MAPKBP1: variants seen among roughly 807,000 people sequenced by gnomAD.
MAPKBP1 encodes mitogen-activated protein kinase-binding protein 1.
In MAPKBP1, 71 loss-of-function variants were observed where a neutral mutation model predicts 170.5. The observed-to-expected ratio is 0.42, with a 90% CI of 0.34 to 0.51. MAPKBP1 has a LOEUF of 0.51. MAPKBP1 is among the 20% of genes least tolerant of loss of function. MAPKBP1 has a pLI of 0.06. For synonymous variants in MAPKBP1, 719 were observed against 757.9 expected (o/e 0.95, Z 0.84); for missense variants, 1,598 against 1,933.0 (o/e 0.83, Z 3.25).
At chr15:41,781,839 G>A (rs988440638) in intron 2 of MAPKBP1, among the ~76,000 whole-genome samples, 3 of 151,958 alleles carry the variant, frequency 2.0e-5, no homozygotes, top group African/African-American at 7.3e-5. Context: ...ATTTATCACA[G>A]TTCTCATCAG....
rs371203749 is a variant in MAPKBP1, at chr15:41,825,402, G to A, written c.4493G>A (p.Arg1498Gln). The change falls in exon 31 of 31, where the codon CGA becomes CAA. Residue 1498 changes from arginine to glutamine, a missense_variant. Arg to Gln is a conservative substitution (Grantham distance 43). Coordinates refer to ENST00000457542, the MANE Select transcript of MAPKBP1 (RefSeq NM_014994.3). The part of the protein sequence containing the change: ...LLEQYSELLL[R>Q]AVERRMERKL The stretch of plus-strand genomic sequence containing the variant: ...GAGCAATACTCAGAACTGTTGCTTC[G>A]AGCCGTGGAACGGCGTATGGAACGC... 34 of 1,612,614 alleles carry A rather than the reference G, an allele frequency of 2.1e-5. No individual in the cohort carries two copies. Among genetic ancestry groups the A allele is most frequent in the Admixed American group, 5.0e-5 (3 of 59,968 alleles).
rs943744108 is a variant in MAPKBP1, at chr15:41,826,599, T to A, written c.*1163T>A. ...GGATTCTTGGTGTCCACAGCCTAGC[T>A]GATACGAGATAGCCCATAGGACACC... On this transcript the variant is annotated 3_prime_UTR_variant, in exon 31 of 31. Transcript: ENST00000457542. 10 of 151,828 alleles carry A rather than the reference T, an allele frequency of 6.6e-5. No individual in the cohort carries two copies. Among genetic ancestry groups the A allele is most frequent in the African/African-American group, 2.4e-4 (10 of 41,284 alleles). 9.4% of individuals were successfully genotyped at this position (151,828 alleles called of 1,614,324 possible). A position where few individuals can be genotyped will look rare whatever the true frequency, so the allele number is the denominator to read the frequency against.
rs2064059647 is a variant in MAPKBP1, at chr15:41,774,492, C to G, written c.-228C>G. ...GCGGTAGTTCGCGTTTTGAGCCGAT[C>G]GTGCCACCATAGCTCCTGCTGCTGC... On this transcript the variant is annotated 5_prime_UTR_variant, in exon 1 of 31. In the 5' UTR this introduces an upstream ATG that the reference lacks. Transcript: ENST00000457542. The G allele has an allele frequency of 2.5e-6, 1 of 398,390 alleles. No individual in the cohort carries two copies. Among genetic ancestry groups the G allele is most frequent in the Non-Finnish European group, 4.4e-6 (1 of 225,976 alleles). 24.7% of individuals were successfully genotyped at this position (398,390 alleles called of 1,614,324 possible).
At chr15:41,824,667 C>A in intron 30 of MAPKBP1, 98 bp downstream of exon 30, 1 of 1,193,842 alleles carries the variant, frequency 8.4e-7, no homozygotes, top group South Asian at 1.4e-5. Context: ...GCCTCTTGTG[C>A]TGACAGGATG....
rs995552844 is a variant in MAPKBP1 at position 41,774,566 on chromosome 15, G to T, written c.-154G>T. Reference sequence around the variant, plus strand: ...CGGAGCTGAAATTGCCGAACGCGATGCCCGAGGGCGCTGTGAGCGGGGTGG... The same window carrying T: ...CGGAGCTGAAATTGCCGAACGCGATTCCCGAGGGCGCTGTGAGCGGGGTGG... On this transcript the variant is annotated 5_prime_UTR_variant, in exon 1 of 31. The change abolishes an upstream ATG in the 5' untranslated region. Coordinates refer to ENST00000457542, the MANE Select transcript of MAPKBP1 (RefSeq NM_014994.3). The T allele has an allele frequency of 2.5e-6, 1 of 398,704 alleles. No individual in the cohort carries two copies. Among genetic ancestry groups the T allele is most frequent in the Non-Finnish European group, 4.4e-6 (1 of 226,116 alleles). The allele number at this position is 398,704 out of a possible 1,614,324, so 24.7% of individuals were successfully genotyped here. A position where few individuals can be genotyped will look rare whatever the true frequency, so the allele number is the denominator to read the frequency against.
chr15:41,821,640 C>A lies in MAPKBP1; in HGVS notation c.2775C>A (p.Ile925=). The part of the protein sequence containing the change: ...ASQPCSYPHI[I]RLLSQEEGVF... ...AACCTTGTTCCTATCCCCATATTAT[C>A]CGATTATTGTCACAAGAGGAAGGGG... Residue 925 remains isoleucine, a synonymous_variant, in exon 24 of 31, where the codon ATC becomes ATA. Coordinates refer to ENST00000457542, the MANE Select transcript of MAPKBP1 (RefSeq NM_014994.3). 6.2e-7 allele frequency: 1 copy of A among 1,614,088 alleles called. No individual in the cohort carries two copies. Among genetic ancestry groups the A allele is most frequent in the African/African-American group, 1.3e-5 (1 of 75,012 alleles).
chr15:41,786,777 A>AAAATATATATATATATATATAT, intron 2 of MAPKBP1, among the ~76,000 whole-genome samples: 43 of 32,344 alleles, frequency 1.3e-3, no homozygotes, highest in Non-Finnish European at 1.7e-3. Flanking sequence ...AAAAAAAAAA[A>AAAATATATATATATATATATAT]ATATATATAT....
At chr15:41,798,454 T>A (rs1339079772) in intron 2 of MAPKBP1, among the ~76,000 whole-genome samples, 1 of 151,538 alleles carries the variant, frequency 6.6e-6, no homozygotes, top group Non-Finnish European at 1.5e-5. Flanking sequence ...GGCTAATTTT[T>A]GTATTTTTAG....
chr15:41,811,803 A>C (rs1379646521), intron 5 of MAPKBP1, 154 bp from the exon 6 acceptor site: 1 of 775,548 alleles, frequency 1.3e-6, no homozygotes, highest in African/African-American at 1.7e-5. Context: ...TCAGATCTTT[A>C]TCATATTTCC....
chr15:41,813,403 G>A, intron 8 of MAPKBP1: 2 of 1,510,564 alleles, frequency 1.3e-6, no homozygotes, highest in South Asian at 2.3e-5. Context: ...CTCTTCACTG[G>A]GCTTTTCCTA....
At chr15:41,784,128 TGGTTGG>T (rs753500014) in intron 2 of MAPKBP1, among the ~76,000 whole-genome samples, 2 of 152,206 alleles carry the variant, frequency 1.3e-5, no homozygotes, top group Non-Finnish European at 2.9e-5. Flanking sequence ...TGACATTCAT[TGGTTGG>T]CTTCTGTTTG....
intron 2 of MAPKBP1, among the ~76,000 whole-genome samples, chr15:41,784,914 A>AAG (rs2064257312): frequency 6.6e-6 from 1 of 151,180 alleles, no homozygotes; most frequent in Non-Finnish European, 1.5e-5. Flanking sequence ...AAAAAAAAAA[A>AAG]AAAATTAGTT....
At chr15:41,800,238 A>G (rs536590279) in intron 3 of MAPKBP1, among the ~76,000 whole-genome samples, 2 of 152,340 alleles carry the variant, frequency 1.3e-5, no homozygotes, top group East Asian at 3.9e-4. Flanking sequence ...TGTAATTCAC[A>G]TACCATATAA....
rs61729964 is a variant in MAPKBP1, at chr15:41,818,902, C to T, written c.2236C>T (p.Arg746Trp). ...TCTGGCCGAGTTGCGCCAGCGTCAG[C>T]GGGGCGGCAAGCAGCAAGGACCATC... is the stretch of plus-strand genomic sequence containing the variant. ...QRLAELRQRQ[R>W]GGKQQGPSSP... is the part of the protein sequence containing the mutation. The change falls in exon 20 of 31, where the codon CGG (arginine) becomes TGG (tryptophan). Residue 746 changes from arginine (R) to tryptophan (W), a missense_variant. Coordinates refer to ENST00000457542, the MANE Select transcript of MAPKBP1 (RefSeq NM_014994.3). The surrounding 1 kb of genome is among the most constrained non-coding windows in gnomAD (Gnocchi z 5.2). The T allele has an allele frequency of 1.5e-3, 2,383 of 1,614,180 alleles. 33 individuals are homozygous for T. In the South Asian group the frequency reaches 0.017, roughly 11 times the overall value.
In MAPKBP1 at chr15:41,814,639, A is replaced by G; in HGVS notation, c.1070A>G (p.Tyr357Cys). Residue 357 changes from tyrosine to cysteine, a missense_variant, in exon 10 of 31, where the codon TAC becomes TGC. By Grantham distance (194) the Tyr-to-Cys change is radical. Transcript: ENST00000457542. Reference protein sequence around the residue: ...DPTNQWLSCVYNDHSIYVWDV... With the variant: ...DPTNQWLSCVCNDHSIYVWDV... ...ACTAATCAGTGGCTGTCTTGTGTGTACAACGATCATAGCATTTATGTTTGG... is the reference window on the plus strand; with the variant it reads ...ACTAATCAGTGGCTGTCTTGTGTGTGCAACGATCATAGCATTTATGTTTGG... 1 of 1,614,200 alleles carries G rather than the reference A, an allele frequency of 6.2e-7. No homozygotes were observed. Among genetic ancestry groups the G allele is most frequent in the Non-Finnish European group, 8.5e-7 (1 of 1,180,036 alleles).
rs1399963329 is a variant in MAPKBP1, at chr15:41,821,014, A to G, written c.2664A>G (p.Pro888=). ...DPSQDSLAII[P]SGPRKHGQEA... is the part of the protein sequence containing the mutation. ...GCCAGGACTCGCTGGCCATCATCCC[A>G]TCTGGTCCCAGGAAGCATGGGCAGG... Residue 888 remains proline, a synonymous_variant, in exon 23 of 31, where the codon CCA becomes CCG. Coordinates refer to ENST00000457542, the MANE Select transcript of MAPKBP1 (RefSeq NM_014994.3). 1 of 1,613,982 alleles carries G rather than the reference A, an allele frequency of 6.2e-7. No individual in the cohort carries two copies. The highest frequency in any genetic ancestry group is 8.5e-7 in the Non-Finnish European group (1 of 1,180,020).
intron 2 of MAPKBP1, among the ~76,000 whole-genome samples, chr15:41,795,708 A>G (rs1256229101): frequency 6.6e-6 from 1 of 152,112 alleles, no homozygotes; most frequent in African/African-American, 2.4e-5. Flanking sequence ...CCGGGTTCAC[A>G]CCATTGTCCT....
At chr15:41,781,168 C>T (rs1039813490) in intron 2 of MAPKBP1, among the ~76,000 whole-genome samples, 14 of 151,766 alleles carry the variant, frequency 9.2e-5, no homozygotes, top group Admixed American at 3.3e-4. Context: ...CTCCACCTCC[C>T]GGGTTCAAGT....
chr15:41,812,164 G>C (rs1251008104), intron 6 of MAPKBP1, 37 bp downstream of exon 6: 1 of 1,611,602 alleles, frequency 6.2e-7, no homozygotes, highest in Admixed American at 1.7e-5. Context: ...CAGCCTCACA[G>C]GGGTCAAGTG....
Sources: allele counts gnomAD v4.1 joint callset (sites outside exome capture counted in the v4.1 genomes callset), GRCh38; gene constraint gnomAD v4.1.1; non-coding constraint Gnocchi (gnomAD v3.1); transcripts MANE v1.5; gene names NCBI Gene and HGNC (gene_info 2026-07-23, HGNC 2026-07-21).